The following COL21A1 variants were observed in gnomAD, a reference collection of about 807,000 sequenced individuals.
The protein encoded by COL21A1 is collagen type XXI alpha 1 chain, also known as collagen alpha-1(XXI) chain.
In COL21A1, 149 loss-of-function variants were observed where a neutral mutation model predicts 137.9. The observed-to-expected ratio is 1.08, with a 90% confidence interval of 0.95 to 1.24. COL21A1 has a LOEUF of 1.24. COL21A1 is among the 50% of genes most tolerant of loss of function. The probability of loss-of-function intolerance (pLI) is 0.00; values close to 1 mark genes in which losing one functional copy is unlikely to be tolerated. For synonymous variants in COL21A1, 456 were observed against 391.5 expected, an observed-to-expected ratio of 1.16 and a Z score of -1.95; for missense variants, 1,167 against 1,158.4, an observed-to-expected ratio of 1.01 and a Z score of -0.11.
intron 17 of COL21A1, among the ~76,000 whole-genome samples, chr6:56,093,838 C>A (rs1478463378): frequency 6.6e-6 from 1 of 152,116 alleles, no homozygotes; most frequent in Non-Finnish European, 1.5e-5. Context: ...AGGATTTACA[C>A]AATTAGACAA....
At chr6:56,098,809 A>C (rs1202698989) in intron 17 of COL21A1, among the ~76,000 whole-genome samples, 1 of 143,406 alleles carries the variant, frequency 7.0e-6, no homozygotes, top group Non-Finnish European at 1.5e-5. Flanking sequence ...CCCACCTCCC[A>C]GGTTCAAGCG....
rs1777770010 is a variant in COL21A1, at chr6:56,179,907, A to C, written c.311T>G (p.Val104Gly). Residue 104 changes from valine to glycine, a missense_variant, in exon 3 of 30, where the codon GTG (valine) becomes GGG (glycine). Physicochemically the swap from Val to Gly is moderately radical, Grantham distance 109 (BLOSUM62 -3). Transcript: ENST00000244728. ...YDSGEHLTAA[V>G]ESILYLGGNT... ...TCCTCCTAAGTAGAGTATGGATTCCACTGCTGCCGTCAAATGTTCTCCTGA... is the reference window on the plus strand; with the variant it reads ...TCCTCCTAAGTAGAGTATGGATTCCCCTGCTGCCGTCAAATGTTCTCCTGA... The C allele has an allele frequency of 1.2e-6, 2 of 1,613,728 alleles. No homozygotes were observed. Among genetic ancestry groups the C allele is most frequent in the Non-Finnish European group, 1.7e-6 (2 of 1,179,848 alleles).
intron 9 of COL21A1, among the ~76,000 whole-genome samples, chr6:56,163,079 A>C: frequency 6.6e-6 from 1 of 152,216 alleles, no homozygotes; most frequent in East Asian, 1.9e-4. Flanking sequence ...GAATAGAAAA[A>C]CATACATAAA....
At chr6:56,221,750 A>G (rs546878404) in intron 1 of COL21A1, among the ~76,000 whole-genome samples, 1 of 152,102 alleles carries the variant, frequency 6.6e-6, no homozygotes, top group African/African-American at 2.4e-5. Flanking sequence ...AAAGACTTGA[A>G]TTTATTGGAT....
chr6:56,232,192 T>C (rs974170263), intron 1 of COL21A1, among the ~76,000 whole-genome samples: 3 of 151,786 alleles, frequency 2.0e-5, no homozygotes, highest in Admixed American at 6.6e-5. Flanking sequence ...ATTCTGAAAA[T>C]TGACAATACT....
intron 16 of COL21A1, among the ~76,000 whole-genome samples, chr6:56,121,552 G>GTATATATATATATACATATACATA: frequency 2.9e-5 from 4 of 137,700 alleles, no homozygotes; most frequent in African/African-American, 1.1e-4. Context: ...ATATTCATAT[G>GTATATATATATATACATATACATA]TATATGTGTA....
Position 56,390,422 on chromosome 6 carries a change from C to T in COL21A1, c.-39+3549G>A, listed in dbSNP as rs573464653. On this transcript the variant is annotated intron_variant, in intron 1 of 28. Coordinates refer to the COL21A1 transcript ENST00000370819. Reference sequence around the variant, plus strand: ...AAATTACAAAATGGCAGTAGTAAGTCCTTACCTATCGATAATAACATTGAC... The same window carrying T: ...AAATTACAAAATGGCAGTAGTAAGTTCTTACCTATCGATAATAACATTGAC... 2.0e-5 allele frequency among the ~76,000 whole-genome samples: 3 copies of T among 151,558 alleles called. No homozygotes were observed. In the South Asian group the frequency reaches 6.3e-4, roughly 32 times the overall value.
intron 1 of COL21A1, among the ~76,000 whole-genome samples, chr6:56,322,410 A>G (rs9475672): frequency 0.53 from 79,960 of 152,006 alleles, 23,111 homozygotes; most frequent in Non-Finnish European, 0.66. Context: ...AACTTTTTGC[A>G]GGGAAAACAC....
At chr6:56,317,166 G>C (rs778132380) in intron 1 of COL21A1, among the ~76,000 whole-genome samples, 1 of 152,026 alleles carries the variant, frequency 6.6e-6, no homozygotes. Context: ...ACCTTGGTTC[G>C]CTTATAGACC....
At chr6:56,387,301 T>C (rs2094019935) in intron 1 of COL21A1, among the ~76,000 whole-genome samples, 2 of 152,320 alleles carry the variant, frequency 1.3e-5, no homozygotes, top group African/African-American at 4.8e-5. Context: ...ATCATGCTGT[T>C]TGGGAATATG....
chr6:56,118,152 T>TTTA, intron 16 of COL21A1, among the ~76,000 whole-genome samples: 1 of 149,784 alleles, frequency 6.7e-6, no homozygotes, highest in Non-Finnish European at 1.5e-5. Flanking sequence ...TTGTTTTTTT[T>TTTA]GAAAAGACAA....
At chr6:56,145,400 G>C (rs954502106) in intron 10 of COL21A1, among the ~76,000 whole-genome samples, 1 of 152,032 alleles carries the variant, frequency 6.6e-6, no homozygotes, top group East Asian at 1.9e-4. Context: ...ACAAAATAAA[G>C]AAAACCAAAC....
chr6:56,331,467 TG>T (rs1169382512), intron 1 of COL21A1, among the ~76,000 whole-genome samples: 8 of 152,126 alleles, frequency 5.3e-5, no homozygotes, highest in East Asian at 1.9e-4. Context: ...TGGTGAAAGA[TG>T]GGGGTCCAGT....
At chr6:56,252,066 C>T (rs548956000), upstream of COL21A1, among the ~76,000 whole-genome samples, 9 of 152,254 alleles carry the variant, frequency 5.9e-5, no homozygotes, top group South Asian at 1.7e-3. Context: ...CTAGAAAGGC[C>T]TTCTTTCTTC....
At chr6:56,114,233 G>C (rs1055299208) in intron 16 of COL21A1, among the ~76,000 whole-genome samples, 1 of 152,230 alleles carries the variant, frequency 6.6e-6, no homozygotes, top group Non-Finnish European at 1.5e-5. Flanking sequence ...AGCAGCCAGA[G>C]AGTGGTCAGA....
At chr6:56,332,579 A>T (rs990016497) in intron 1 of COL21A1, among the ~76,000 whole-genome samples, 7 of 145,628 alleles carry the variant, frequency 4.8e-5, no homozygotes, top group Non-Finnish European at 1.0e-4. Context: ...GTCACCAAAT[A>T]GCCCCCCCGC....
chr6:56,151,547 A>G (rs1465983664), intron 10 of COL21A1, among the ~76,000 whole-genome samples: 3 of 152,246 alleles, frequency 2.0e-5, no homozygotes, highest in African/African-American at 7.2e-5. Context: ...GATCTGAAAT[A>G]GCTCTTTAAT....
chr6:56,236,082 T>A (rs1781878299), intron 1 of COL21A1, among the ~76,000 whole-genome samples: 1 of 152,008 alleles, frequency 6.6e-6, no homozygotes, highest in African/African-American at 2.4e-5. Context: ...TCCTTTCTAT[T>A]AAGCAACCAA....
intron 1 of COL21A1, among the ~76,000 whole-genome samples, chr6:56,215,007 A>C (rs940423763): frequency 1.3e-5 from 2 of 152,108 alleles, no homozygotes; most frequent in African/African-American, 4.8e-5. Flanking sequence ...TCTTCATCAC[A>C]TCCAGTAACT....
Sources: gnomAD v4.1 joint callset for allele counts (sites outside exome capture counted in the v4.1 genomes callset) on GRCh38, gnomAD v4.1.1 for gene constraint, MANE v1.5 for transcripts, NCBI Gene and HGNC (gene_info 2026-07-23, HGNC 2026-07-21) for gene names.